Variants in MAP4K1 observed in about 807,000 individuals in gnomAD.
MAP4K1 encodes MAPK/ERK kinase kinase kinase 1.
MAP4K1 carries 35 observed loss-of-function variants against 122.8 expected under a neutral mutation model. The observed-to-expected ratio is 0.29, with a 90% CI of 0.22 to 0.38. The LOEUF (loss-of-function observed/expected upper bound fraction) is 0.38. MAP4K1 is among the 10% of genes least tolerant of loss of function. MAP4K1 has a pLI of 1.00. For synonymous variants in MAP4K1, 412 were observed against 421.3 expected, an observed-to-expected ratio of 0.98 and a Z score of 0.27; for missense variants, 791 against 1,072.6, an observed-to-expected ratio of 0.74 and a Z score of 3.67.
At position 38,617,735 on chromosome 19, in the gene MAP4K1, G is replaced by A. The variant is rs2144750471; in HGVS notation, c.99+62C>T. 1.2e-6 allele frequency: 2 copies of A among 1,604,100 alleles called. No individual in the cohort carries two copies. Among genetic ancestry groups the A allele is most frequent in the South Asian group, 1.1e-5 (1 of 90,894 alleles). On this transcript the variant is annotated intron_variant, in intron 1 of 30. Transcript: ENST00000396857. This position sits in a 1 kb window ranked among gnomAD's most constrained non-coding sequence, Gnocchi z 4.1. ...GACCCCCTCTTGCAGCCTCCTCCCT[G>A]CCGAGGGCTTGCCTTAAAGGTCACT...
chr19:38,610,807 A>G (rs538171849), intron 11 of MAP4K1, among the ~76,000 whole-genome samples: 10 of 151,964 alleles, frequency 6.6e-5, no homozygotes, highest in Non-Finnish European at 8.8e-5. Context: ...TCAAGAGGAC[A>G]CTCAGGACAA....
Position 38,601,725 on chromosome 19 carries a change from T to G in MAP4K1, c.1447-200A>C, listed in dbSNP as rs1975071648. The G allele has an allele frequency of 7.2e-6, 4 of 554,906 alleles. 1 individual carries two copies. In the South Asian group the frequency reaches 9.0e-5, roughly 12 times the overall value. The allele number at this position is 554,906 out of a possible 1,614,324, so 34.4% of individuals were successfully genotyped here. ...CTTTTCAGTTTGTTTTTGTTTTTTTTTGTTGTTGTTATATATTTCTTTTTT... is the reference window on the plus strand; with the variant it reads ...CTTTTCAGTTTGTTTTTGTTTTTTTGTGTTGTTGTTATATATTTCTTTTTT... On this transcript the variant is annotated intron_variant, in intron 19 of 30. Transcript: ENST00000396857.
rs897226158 is a variant in MAP4K1 at position 38,597,697 on chromosome 19, C to T, written c.1670-103G>A. 1.7e-5 allele frequency: 12 copies of T among 704,764 alleles called. No homozygotes were observed. The African/African-American group carries it at 1.8e-4, about 11-fold the overall frequency. The allele number at this position is 704,764 out of a possible 1,614,324, so 43.7% of individuals were successfully genotyped here. On this transcript the variant is annotated intron_variant, in intron 22 of 30. Coordinates refer to ENST00000396857, the MANE Select transcript of MAP4K1 (RefSeq NM_001042600.3). The surrounding 1 kb of genome is among the most constrained non-coding windows in gnomAD (Gnocchi z 4.6). ...CTCAGCCCCATCCCTTTGTCTGAAA[C>T]TCCCAAGCCTGCAAGTCTCAAGTAC...
chr19:38,596,288 T>G (rs773086551), intron 26 of MAP4K1, 24 bp downstream of exon 26: 9 of 1,528,300 alleles, frequency 5.9e-6, no homozygotes, highest in Non-Finnish European at 7.9e-6. Flanking sequence ...AGCCCCGCCC[T>G]CAGCAAGACT....
intron 15 of MAP4K1, 34 bp downstream of exon 15, chr19:38,607,956 C>T (rs1201121972): frequency 6.2e-7 from 1 of 1,611,708 alleles, no homozygotes; most frequent in Non-Finnish European, 8.5e-7. Flanking sequence ...GTCCACATTC[C>T]AGCCCCCTCC....
In MAP4K1 at chr19:38,609,614, G is replaced by T. The variant is rs1252692541; in HGVS notation, c.988C>A (p.Pro330Thr). The part of the protein sequence containing the change: ...STHRSSSLGI[P>T]DADCCRRHME... Reference sequence around the variant, plus strand: ...TACTCACGACAGCAGTCTGCATCTGGGATCCCCAGAGAGCTGGAGCGGTGG... The same window carrying T: ...TACTCACGACAGCAGTCTGCATCTGTGATCCCCAGAGAGCTGGAGCGGTGG... Residue 330 changes from proline (P) to threonine (T), a missense_variant, in exon 13 of 31, where the codon CCA becomes ACA. Physicochemically the swap from Pro to Thr is conservative, Grantham distance 38. Around this residue, in one of 4 missense-constraint regions of MAP4K1, gnomAD observed 303 missense variants for 344.8 expected, o/e 0.88. Coordinates refer to ENST00000396857, the MANE Select transcript of MAP4K1 (RefSeq NM_001042600.3). 2 of 1,613,822 alleles carry T rather than the reference G, an allele frequency of 1.2e-6. No homozygotes were observed. The highest frequency in any genetic ancestry group is 1.7e-6 in the Non-Finnish European group (2 of 1,179,916).
chr19:38,590,400 T>A (rs1456105308), intron 30 of MAP4K1, among the ~76,000 whole-genome samples: 204 of 45,734 alleles, frequency 4.5e-3, no homozygotes, highest in African/African-American at 0.012. Flanking sequence ...AAAAAATATA[T>A]ATATATATAT....
intron 19 of MAP4K1, among the ~76,000 whole-genome samples, chr19:38,602,601 C>CAT (rs1229245083): frequency 2.1e-5 from 3 of 145,622 alleles, no homozygotes; most frequent in African/African-American, 5.2e-5. Flanking sequence ...CATATATACG[C>CAT]ATATACATAT....
chr19:38,605,135 T>A (rs146815049), intron 19 of MAP4K1, among the ~76,000 whole-genome samples: 1 of 149,820 alleles, frequency 6.7e-6, no homozygotes, highest in Non-Finnish European at 1.5e-5. Context: ...TCAGCCTGCC[T>A]CCTCAAAGGT....
At chr19:38,601,402 A>G (rs1385718181) in intron 20 of MAP4K1, 39 bp downstream of exon 20, 1 of 1,558,364 alleles carries the variant, frequency 6.4e-7, no homozygotes, top group Non-Finnish European at 8.7e-7. Context: ...TTGCTCTCCC[A>G]TTCCCTACAG....
intron 13 of MAP4K1, among the ~76,000 whole-genome samples, chr19:38,608,828 A>AAAAC (rs1555811720): frequency 1.5e-5 from 2 of 137,136 alleles, no homozygotes; most frequent in Admixed American, 1.5e-4. Context: ...AAAAAAAAAA[A>AAAAC]ACATTAGCCA....
intron 30 of MAP4K1, chr19:38,592,437 TGGTGGTACAC>T (rs1227780445): frequency 6.0e-4 from 91 of 152,000 alleles, no homozygotes; most frequent in African/African-American, 2.2e-3. Context: ...TAGCCAAATG[TGGTGGTACAC>T]ACCTGTAAAC....
In MAP4K1 at chr19:38,612,717, C is replaced by A; in HGVS notation, c.559G>T (p.Ala187Ser). ...YWMAPEVAAV[A>S]LKGGYNELCD... ...AGCTCATTGTATCCTCCCTTCAGGG[C>A]CACAGCTGCCACTTCCGGAGCCATC... Residue 187 changes from alanine (A) to serine (S), a missense_variant, in exon 9 of 31, where the codon GCC becomes TCC. Coordinates refer to ENST00000396857, the MANE Select transcript of MAP4K1 (RefSeq NM_001042600.3). The A allele has an allele frequency of 6.2e-7, 1 of 1,613,464 alleles. No individual in the cohort carries two copies. The highest frequency in any genetic ancestry group is 8.5e-7 in the Non-Finnish European group (1 of 1,179,718).
chr19:38,617,498 G>A lies in MAP4K1; in HGVS notation c.158-54C>T. The A allele has an allele frequency of 6.2e-7, 1 of 1,601,492 alleles. No homozygotes were observed. The highest frequency in any genetic ancestry group is 8.6e-7 in the Non-Finnish European group (1 of 1,168,670). On this transcript the variant is annotated intron_variant, in intron 2 of 30. Coordinates refer to ENST00000396857, the MANE Select transcript of MAP4K1 (RefSeq NM_001042600.3). This position sits in a 1 kb window ranked among gnomAD's most constrained non-coding sequence, Gnocchi z 4.1. ...GCTCGCATGGGGAGAGAGCTACAGG[G>A]GAGGTGATCCCAGTGTCCCAGGAGG...
At chr19:38,613,795 C>A (rs1975568381) in intron 8 of MAP4K1, 85 bp downstream of exon 8, 2 of 1,058,664 alleles carry the variant, frequency 1.9e-6, no homozygotes, top group Non-Finnish European at 2.8e-6. Flanking sequence ...GGGAACGGAG[C>A]CAGGAAAGAG....
rs532444210 is a variant in MAP4K1 at position 38,605,721 on chromosome 19, G to T, written c.1210C>A (p.Arg404Ser). 1.2e-4 allele frequency: 189 copies of T among 1,605,854 alleles called. 2 individuals carry two copies. The South Asian group carries it at 2.0e-3, about 17-fold the overall frequency. ...PPPLPPKPKF[R>S]SPSDEGPGSM... ...CCAGGACCCTCGTCTGATGGAGAAC[G>T]GAACTTGGGCTTTGGAGACGGGAAT... Residue 404 changes from arginine (R) to serine (S), a missense_variant, in exon 18 of 31, where the codon CGT becomes AGT. This residue lies in a region of MAP4K1 where 303 missense variants were observed against 344.8 expected (regional missense o/e 0.88). Transcript: ENST00000396857.
At chr19:38,616,608 G>A (rs1975654621) in intron 3 of MAP4K1, among the ~76,000 whole-genome samples, 1 of 152,150 alleles carries the variant, frequency 6.6e-6, no homozygotes, top group Non-Finnish European at 1.5e-5. Flanking sequence ...CCTGTTCTGG[G>A]GAGCAGAGGT....
At chr19:38,593,236 C>T in intron 30 of MAP4K1, 46 bp downstream of exon 30, 2 of 1,578,258 alleles carry the variant, frequency 1.3e-6, no homozygotes, top group Non-Finnish European at 1.7e-6. Context: ...CTCTTCACAT[C>T]AGAAGCCCCC....
rs1974855131 is a variant in MAP4K1 at position 38,595,745 on chromosome 19, C to T, written c.2180-16G>A. 4.4e-6 allele frequency: 7 copies of T among 1,581,618 alleles called. No individual in the cohort carries two copies. Among genetic ancestry groups the T allele is most frequent in the East Asian group, 4.5e-5 (2 of 44,630 alleles). On this transcript the variant is annotated splice_polypyrimidine_tract_variant and intron_variant, in intron 27 of 30. Coordinates refer to ENST00000396857, the MANE Select transcript of MAP4K1 (RefSeq NM_001042600.3). Reference sequence around the variant, plus strand: ...TTCACAGAGCCTGGAAGGAGATAGACGGTTTTAAGAACTGTGAGCAAGGCT... The same window carrying T: ...TTCACAGAGCCTGGAAGGAGATAGATGGTTTTAAGAACTGTGAGCAAGGCT...
Sources: allele counts gnomAD v4.1 joint callset (sites outside exome capture counted in the v4.1 genomes callset), GRCh38; gene constraint gnomAD v4.1.1; regional missense constraint gnomAD v4.1.1; non-coding constraint Gnocchi (gnomAD v3.1); transcripts MANE v1.5; gene names NCBI Gene and HGNC (gene_info 2026-07-23, HGNC 2026-07-21).